The following DIS3L2 variants were observed in gnomAD, a reference collection of about 807,000 sequenced individuals.
DIS3L2 encodes the protein DIS3 like 3'-5' exoribonuclease 2, also known as DIS3-like exonuclease 2.
Under a neutral mutation model 97.5 loss-of-function variants are expected in DIS3L2, and 34 were observed. That is an observed-to-expected ratio of 0.35 (90% CI 0.27 to 0.46). DIS3L2 has a LOEUF of 0.46. Ranked by LOEUF, DIS3L2 falls within the 20% of genes least tolerant of loss-of-function variation. DIS3L2 has a pLI of 1.00. For synonymous variants in DIS3L2, 435 were observed against 445.2 expected (o/e 0.98, Z 0.29); for missense variants, 1,038 against 1,146.0 (o/e 0.91, Z 1.36).
At chr2:232,108,942 T>C (rs565759566) in intron 6 of DIS3L2, among the ~76,000 whole-genome samples, 1 of 152,346 alleles carries the variant, frequency 6.6e-6, no homozygotes, top group African/African-American at 2.4e-5. Context: ...TCCATGCTCA[T>C]GGATTGGAAG....
chr2:232,010,917 C>G (rs529623061), intron 1 of DIS3L2, among the ~76,000 whole-genome samples: 2 of 152,314 alleles, frequency 1.3e-5, no homozygotes, highest in African/African-American at 2.4e-5. Flanking sequence ...TTCATTTATT[C>G]CAATTTTTGA....
At chr2:232,024,254 A>T (rs376617215) in intron 3 of DIS3L2, 23 bp from the exon 4 acceptor site, 2 of 1,551,544 alleles carry the variant, frequency 1.3e-6, no homozygotes, top group East Asian at 2.3e-5. Flanking sequence ...AGATTTTCAC[A>T]AACTTTATTT....
intron 12 of DIS3L2, among the ~76,000 whole-genome samples, chr2:232,251,568 C>G (rs1693418397): frequency 6.6e-6 from 1 of 152,124 alleles, no homozygotes; most frequent in Admixed American, 6.5e-5. Flanking sequence ...TAGGAAATGC[C>G]CCATTCCTGG....
chr2:232,076,969 T>A (rs1313813914), intron 5 of DIS3L2, among the ~76,000 whole-genome samples: 1 of 152,216 alleles, frequency 6.6e-6, no homozygotes, highest in Admixed American at 6.5e-5. Flanking sequence ...AAGGCCTGTG[T>A]TCCCCTTAAA....
chr2:232,199,687 GTATC>G (rs1336137030), intron 9 of DIS3L2, among the ~76,000 whole-genome samples: 7 of 152,078 alleles, frequency 4.6e-5, no homozygotes, highest in African/African-American at 1.4e-4. Flanking sequence ...TGAGAAAAAT[GTATC>G]TATCTATATA....
intron 9 of DIS3L2, among the ~76,000 whole-genome samples, chr2:232,166,278 C>T (rs1361542696): frequency 6.6e-6 from 1 of 151,940 alleles, no homozygotes; most frequent in Non-Finnish European, 1.5e-5. Flanking sequence ...AGAAAAGAAA[C>T]CTTGCTCTGC....
rs1444020222 is a variant in DIS3L2, at chr2:232,268,205, C to T, written c.1659+4765C>T. ...TAGTGGTGGAGAAAACCTGATGTTA[C>T]CATCTTCCCAGGCAAATTACTCTCA... On this transcript the variant is annotated intron_variant, in intron 13 of 20. Coordinates refer to ENST00000325385, the MANE Select transcript of DIS3L2 (RefSeq NM_152383.5). The surrounding 1 kb of genome is among the most constrained non-coding windows in gnomAD (Gnocchi z 4.1). 6.6e-6 allele frequency among the ~76,000 whole-genome samples: 1 copy of T among 152,196 alleles called. No individual in the cohort carries two copies. Among genetic ancestry groups the T allele is most frequent in the Non-Finnish European group, 1.5e-5 (1 of 68,042 alleles).
intron 1 of DIS3L2, among the ~76,000 whole-genome samples, chr2:231,974,629 A>AT (rs1019573107): frequency 6.6e-6 from 1 of 150,584 alleles, no homozygotes; most frequent in African/African-American, 2.4e-5. Context: ...TTTTAAAAAA[A>AT]TTTTTTTACA....
intron 5 of DIS3L2, among the ~76,000 whole-genome samples, chr2:232,031,396 T>G (rs998486214): frequency 6.6e-6 from 1 of 152,036 alleles, no homozygotes; most frequent in Admixed American, 6.6e-5. Flanking sequence ...CTCATGGAGC[T>G]TATAGTTTAA....
intron 6 of DIS3L2, among the ~76,000 whole-genome samples, chr2:232,102,408 T>G (rs1271212657): frequency 6.6e-6 from 1 of 152,180 alleles, no homozygotes; most frequent in Non-Finnish European, 1.5e-5. Flanking sequence ...TAGGTGACAT[T>G]TTGGAATTAC....
intron 1 of DIS3L2, among the ~76,000 whole-genome samples, chr2:232,000,484 G>A (rs1693846657): frequency 6.6e-6 from 1 of 151,910 alleles, no homozygotes. Context: ...TTTTTTACAC[G>A]GCACATATAA....
chr2:232,061,381 CTT>C (rs1161792576), intron 5 of DIS3L2, among the ~76,000 whole-genome samples: 1 of 152,206 alleles, frequency 6.6e-6, no homozygotes, highest in Non-Finnish European at 1.5e-5. Flanking sequence ...TGATTGGAGA[CTT>C]AGTCCGTGAA....
intron 5 of DIS3L2, among the ~76,000 whole-genome samples, chr2:232,078,603 A>G (rs560346565): frequency 6.6e-6 from 1 of 152,338 alleles, no homozygotes; most frequent in East Asian, 1.9e-4. Context: ...AAGCTCTTGC[A>G]TCTTGATAAT....
intron 3 of DIS3L2, among the ~76,000 whole-genome samples, chr2:232,024,041 A>G (rs1163024089): frequency 2.0e-5 from 3 of 152,078 alleles, no homozygotes; most frequent in African/African-American, 7.2e-5. Context: ...GTTGTTCCTT[A>G]CCTTTGCTTG....
At chr2:232,186,377 G>C (rs1161239973) in intron 9 of DIS3L2, among the ~76,000 whole-genome samples, 1 of 152,148 alleles carries the variant, frequency 6.6e-6, no homozygotes, top group Admixed American at 6.5e-5. Context: ...AATCTGAATA[G>C]TCACAAAACT....
intron 5 of DIS3L2, among the ~76,000 whole-genome samples, chr2:232,055,159 T>G (rs1695511183): frequency 6.6e-6 from 1 of 152,206 alleles, no homozygotes; most frequent in Admixed American, 6.5e-5. Context: ...CAGTGAAAGC[T>G]TTCCCTCTGA....
chr2:232,337,767 A>G (rs1240850582), downstream of DIS3L2, among the ~76,000 whole-genome samples: 7 of 151,732 alleles, frequency 4.6e-5, no homozygotes, highest in East Asian at 1.4e-3. Context: ...TTCTTCAAAG[A>G]AACACTCAAT....
chr2:232,175,884 T>C (rs1332981992), intron 9 of DIS3L2, among the ~76,000 whole-genome samples: 1 of 152,124 alleles, frequency 6.6e-6, no homozygotes, highest in African/African-American at 2.4e-5. Flanking sequence ...TTTATCTTCC[T>C]AGAATTTTTT....
chr2:232,056,393 C>CAACA (rs1244295118), intron 5 of DIS3L2, among the ~76,000 whole-genome samples: 1 of 146,956 alleles, frequency 6.8e-6, no homozygotes, highest in East Asian at 2.3e-4. Flanking sequence ...ACAACAACAA[C>CAACA]AACAAACAAA....
Sources: gnomAD v4.1 joint callset for allele counts (sites outside exome capture counted in the v4.1 genomes callset) on GRCh38, gnomAD v4.1.1 for gene constraint, Gnocchi (gnomAD v3.1) non-coding constraint, MANE v1.5 for transcripts, NCBI Gene and HGNC (gene_info 2026-07-23, HGNC 2026-07-21) for gene names.